Variants in USH2A observed in about 807,000 individuals in gnomAD.
USH2A encodes Usher syndrome 2A (autosomal recessive, mild).
In USH2A, 443 loss-of-function variants were observed where a neutral mutation model predicts 538.9. The observed-to-expected ratio is 0.82, with a 90% CI of 0.76 to 0.89. The LOEUF is 0.89. Ranked by LOEUF, USH2A falls within the 40% of genes least tolerant of loss-of-function variation. The pLI is 0.00. For missense variants in USH2A, 6,633 were observed against 6,324.8 expected (o/e 1.05, Z -1.65); for synonymous variants, 2,413 against 2,273.5 (o/e 1.06, Z -1.75).
chr1:216,249,095 G>T (rs1024978754), intron 12 of USH2A, among the ~76,000 whole-genome samples: 1 of 151,718 alleles, frequency 6.6e-6, no homozygotes, highest in Non-Finnish European at 1.5e-5. Context: ...TATTAACAAG[G>T]TGAAATTGAA....
intron 11 of USH2A, among the ~76,000 whole-genome samples, chr1:216,259,318 T>A (rs1220549093): frequency 1.3e-5 from 2 of 152,128 alleles, no homozygotes; most frequent in Non-Finnish European, 2.9e-5. Context: ...AAAAGATGTG[T>A]TTTAATGTAG....
Position 215,992,728 on chromosome 1 carries a change from C to T in USH2A, c.6805+292G>A, listed in dbSNP as rs181313456. Among the ~76,000 whole-genome samples the T allele has an allele frequency of 2.2e-3, 341 of 152,242 alleles. 2 individuals are homozygous for T. The highest frequency in any genetic ancestry group is 7.7e-3 in the African/African-American group (318 of 41,544). The stretch of plus-strand genomic sequence containing the variant: ...TGAAAATACAATGTCACTCTCACTA[C>T]GGCATTCTTTGGGAATCCTCCCCGT... On this transcript the variant is annotated intron_variant, in intron 35 of 71. Transcript: ENST00000307340.
At chr1:215,777,376 A>G (rs1288945167) in intron 55 of USH2A, among the ~76,000 whole-genome samples, 2 of 152,244 alleles carry the variant, frequency 1.3e-5, no homozygotes, top group African/African-American at 4.8e-5. Flanking sequence ...GTTGGTGTAT[A>G]AATGCTGATT....
At chr1:216,219,006 GT>G (rs2035401109) in intron 14 of USH2A, among the ~76,000 whole-genome samples, 1 of 151,848 alleles carries the variant, frequency 6.6e-6, no homozygotes, top group Non-Finnish European at 1.5e-5. Context: ...GTGTGTGTGT[GT>G]GTGTATATAT....
At chr1:216,247,256 G>C (rs1240019998) in intron 12 of USH2A, 30 bp from the exon 13 acceptor site, 1 of 1,611,790 alleles carries the variant, frequency 6.2e-7, no homozygotes, top group East Asian at 2.2e-5. Flanking sequence ...AAAAGGTGAG[G>C]ATGGGAAAAT....
At position 215,666,299 on chromosome 1, in the gene USH2A, T is replaced by C. The variant is rs1232457565; in HGVS notation, c.14133+4673A>G. On this transcript the variant is annotated intron_variant, in intron 64 of 71. Coordinates refer to ENST00000307340, the MANE Select transcript of USH2A (RefSeq NM_206933.4). ...ATAAAATCCATGAGGAAGATTAAAA[T>C]AAATTATATGAGTAGCTGAGACATG... Among the ~76,000 whole-genome samples the C allele has an allele frequency of 2.9e-4, 5 of 17,392 alleles. No individual in the cohort carries two copies. The Non-Finnish European group carries it at 5.1e-3, about 18-fold the overall frequency. 11.4% of individuals were successfully genotyped at this position (17,392 alleles called of 152,430 possible).
In USH2A at chr1:216,324,529, A is replaced by G. The variant is rs531121122; in HGVS notation, c.1144-177T>C. On this transcript the variant is annotated intron_variant, in intron 6 of 71. Transcript: ENST00000307340. ...CCCTGTGGTAAAAGCAACATATTCT[A>G]TAATTGTGTATCTGTTCATTTGCTC... Among the ~76,000 whole-genome samples, 3 of 152,280 alleles carry G rather than the reference A, an allele frequency of 2.0e-5. No homozygotes were observed. In the East Asian group the frequency reaches 5.8e-4, roughly 29 times the overall value.
intron 16 of USH2A, chr1:216,204,499 T>C (rs2035069338): frequency 2.0e-5 from 3 of 152,196 alleles, no homozygotes. Context: ...GGAAAATATG[T>C]CTTAGAGAAT....
chr1:215,674,090 G>A lies in USH2A; in HGVS notation c.13811+10C>T, dbSNP rs1401270814. On this transcript the variant is annotated intron_variant, in intron 63 of 71. Transcript: ENST00000307340. ...GCTTACTCTCAGAAAACCGAGACAT[G>A]GCTACCTACCTGTGAAATGGCTTCA... is the stretch of plus-strand genomic sequence containing the variant. 6.2e-7 allele frequency: 1 copy of A among 1,613,782 alleles called. No homozygotes were observed. The highest frequency in any genetic ancestry group is 2.2e-5 in the East Asian group (1 of 44,890).
chr1:216,383,866 C>CTTTTTTTTTTTTTT (rs57494312), intron 3 of USH2A, among the ~76,000 whole-genome samples: 2 of 134,926 alleles, frequency 1.5e-5, no homozygotes, highest in African/African-American at 5.7e-5. Context: ...TTCTTTCTTT[C>CTTTTTTTTTTTTTT]TTTTTTTTTT....
At chr1:215,749,164 T>A (rs1286264495) in intron 58 of USH2A, among the ~76,000 whole-genome samples, 1 of 152,216 alleles carries the variant, frequency 6.6e-6, no homozygotes, top group South Asian at 2.1e-4. Flanking sequence ...CTCCAATTCA[T>A]CTGAGGTTGT....
At chr1:216,177,315 T>C (rs185987752) in intron 20 of USH2A, among the ~76,000 whole-genome samples, 90 of 152,310 alleles carry the variant, frequency 5.9e-4, no homozygotes, top group Non-Finnish European at 1.1e-3. Flanking sequence ...ACATATGATA[T>C]AGAACATTTT....
intron 44 of USH2A, among the ~76,000 whole-genome samples, chr1:215,860,305 C>A (rs112474060): frequency 3.6e-4 from 55 of 152,280 alleles, no homozygotes; most frequent in African/African-American, 1.3e-3. Context: ...TTTTTAACAT[C>A]TACATTAGAG....
chr1:216,167,856 AT>A (rs1442100320), intron 21 of USH2A, among the ~76,000 whole-genome samples: 1 of 152,106 alleles, frequency 6.6e-6, no homozygotes, highest in Non-Finnish European at 1.5e-5. Flanking sequence ...GTGGCTACAG[AT>A]CTATATGAAT....
Position 215,797,348 on chromosome 1 carries a change from A to G in USH2A, c.9958+1559T>C, listed in dbSNP as rs564749947. Among the ~76,000 whole-genome samples, 29 of 152,356 alleles carry G rather than the reference A, an allele frequency of 1.9e-4. No individual in the cohort carries two copies. In the South Asian group the frequency reaches 5.0e-3, roughly 26 times the overall value. On this transcript the variant is annotated intron_variant, in intron 50 of 71. Transcript: ENST00000307340. Reference sequence around the variant, plus strand: ...CTCAAGTTACCCAGAACACCTAGGTAAGATCACTGATGAAGGTGGCTACAC... The same window carrying G: ...CTCAAGTTACCCAGAACACCTAGGTGAGATCACTGATGAAGGTGGCTACAC...
chr1:215,819,609 C>A (rs191171474), intron 47 of USH2A, among the ~76,000 whole-genome samples: 9 of 151,820 alleles, frequency 5.9e-5, no homozygotes, highest in Admixed American at 5.9e-4. Context: ...GTATTCTCTG[C>A]ATAATCAACT....
chr1:216,243,724 G>T (rs537079365), intron 13 of USH2A, among the ~76,000 whole-genome samples: 4 of 152,280 alleles, frequency 2.6e-5, no homozygotes, highest in African/African-American at 9.6e-5. Flanking sequence ...AAGAAATGGA[G>T]CTCCAAATAT....
At chr1:215,777,479 T>C (rs983183389) in intron 55 of USH2A, among the ~76,000 whole-genome samples, 1 of 152,238 alleles carries the variant, frequency 6.6e-6, no homozygotes, top group African/African-American at 2.4e-5. Context: ...TTTAGCCTTA[T>C]ATCACAATTA....
At chr1:216,048,479 T>C (rs1399664986) in intron 31 of USH2A, 55 bp downstream of exon 31, 21 of 1,540,890 alleles carry the variant, frequency 1.4e-5, no homozygotes, top group Non-Finnish European at 1.9e-5. Flanking sequence ...GCTCTTCTCC[T>C]ATTTTATTAT....
Sources: gnomAD v4.1 joint callset for allele counts (sites outside exome capture counted in the v4.1 genomes callset) on GRCh38, gnomAD v4.1.1 for gene constraint, MANE v1.5 for transcripts, NCBI Gene and HGNC (gene_info 2026-07-23, HGNC 2026-07-21) for gene names.